The following PPIG variants were observed in gnomAD, a reference collection of about 807,000 sequenced individuals.
PPIG encodes the protein peptidyl-prolyl cis-trans isomerase G.
Under a neutral mutation model 87.9 loss-of-function variants are expected in PPIG, and 26 were observed. The ratio of observed to expected loss-of-function variants is 0.30; its 90% CI spans 0.22 to 0.41. The LOEUF (loss-of-function observed/expected upper bound fraction) is 0.41. PPIG is among the 10% of genes least tolerant of loss of function. The pLI, the probability that PPIG is intolerant of heterozygous loss-of-function variation, is 1.00. For missense variants in PPIG, 722 were observed against 879.4 expected (o/e 0.82, Z 2.26); for synonymous variants, 308 against 276.5 (o/e 1.11, Z -1.13).
At chr2:169,587,352 C>A (rs1412008884) in intron 1 of PPIG, among the ~76,000 whole-genome samples, 1 of 152,108 alleles carries the variant, frequency 6.6e-6, no homozygotes, top group Non-Finnish European at 1.5e-5. Context: ...AGCAATTCTT[C>A]TGCCTCAGCT....
At chr2:169,591,178 A>G (rs950462269) in intron 1 of PPIG, among the ~76,000 whole-genome samples, 4 of 152,206 alleles carry the variant, frequency 2.6e-5, no homozygotes, top group East Asian at 1.9e-4. Flanking sequence ...TTAGTTGCCT[A>G]TATTTTTGTC....
intron 1 of PPIG, among the ~76,000 whole-genome samples, chr2:169,596,403 C>T (rs1200746760): frequency 6.6e-6 from 1 of 152,150 alleles, no homozygotes; most frequent in African/African-American, 2.4e-5. Context: ...TCGCACCCGG[C>T]CGAAAATTGT....
chr2:169,603,971 G>T (rs946924032), intron 2 of PPIG, 55 bp from the exon 3 acceptor site: 4 of 1,381,964 alleles, frequency 2.9e-6, no homozygotes, highest in African/African-American at 2.9e-5. Flanking sequence ...CCAGAAATTT[G>T]TGAAAGATCT....
At chr2:169,601,570 G>C (rs1685185492) in intron 1 of PPIG, among the ~76,000 whole-genome samples, 1 of 152,168 alleles carries the variant, frequency 6.6e-6, no homozygotes, top group Non-Finnish European at 1.5e-5. Flanking sequence ...GAGCAACAAA[G>C]GGATGAACCA....
intron 9 of PPIG, among the ~76,000 whole-genome samples, chr2:169,624,826 G>A (rs1289062471): frequency 6.6e-6 from 1 of 152,092 alleles, no homozygotes; most frequent in South Asian, 2.1e-4. Flanking sequence ...TTCTGACTTC[G>A]TGATCCGCCC....
At chr2:169,599,317 T>A (rs1158953194) in intron 1 of PPIG, among the ~76,000 whole-genome samples, 3 of 152,210 alleles carry the variant, frequency 2.0e-5, no homozygotes, top group African/African-American at 7.2e-5. Context: ...AAGTAATTCT[T>A]ACTACTGTAC....
intron 7 of PPIG, among the ~76,000 whole-genome samples, chr2:169,611,203 T>C (rs1453437762): frequency 2.0e-5 from 3 of 150,874 alleles, no homozygotes; most frequent in Non-Finnish European, 4.4e-5. Flanking sequence ...AACAAACAAA[T>C]AAAACAACTT....
chr2:169,593,900 C>G (rs985856243), intron 1 of PPIG, among the ~76,000 whole-genome samples: 2 of 151,402 alleles, frequency 1.3e-5, no homozygotes, highest in Admixed American at 1.3e-4. Flanking sequence ...TGTGATCTGC[C>G]TGCCTCGGGC....
chr2:169,606,198 A>C, intron 5 of PPIG, 52 bp downstream of exon 5: 8 of 1,302,890 alleles, frequency 6.1e-6, no homozygotes, highest in Non-Finnish European at 8.9e-6. Flanking sequence ...CACAGATCTC[A>C]AAGTTAGACA....
rs1558903350 is a variant in PPIG, at chr2:169,636,016, TC to T, written c.1018-73del. On this transcript the variant is annotated intron_variant, in intron 12 of 13. Transcript: ENST00000260970. ...ACCTCCTGACCCTCACCCCAGTACT[TC>T]CCTCCCTCCCAGCACCCATGCGAGT... 4 of 1,169,924 alleles carry T rather than the reference TC, an allele frequency of 3.4e-6. No homozygotes were observed. The South Asian group carries it at 5.7e-5, about 17-fold the overall frequency. The allele number at this position is 1,169,924 out of a possible 1,614,324, so 72.5% of individuals were successfully genotyped here.
rs1686300884 is a variant in PPIG at position 169,641,098 on chromosome 2, A to G, written c.*3575A>G. On this transcript the variant is annotated 3_prime_UTR_variant, in exon 14 of 14. Transcript: ENST00000260970. ...ATATAGTATTTTGAAAGATAAATGA[A>G]TTGGGTATTTGTATGTGGGATGTAC... 2 of 151,926 alleles carry G rather than the reference A, an allele frequency of 1.3e-5. No individual in the cohort carries two copies. Among genetic ancestry groups the G allele is most frequent in the Non-Finnish European group, 2.9e-5 (2 of 67,982 alleles). The allele number at this position is 151,926 out of a possible 1,614,324, so 9.4% of individuals were successfully genotyped here. A position where few individuals can be genotyped will look rare whatever the true frequency, so the allele number is the denominator to read the frequency against.
intron 1 of PPIG, among the ~76,000 whole-genome samples, chr2:169,600,610 C>G (rs1479113293): frequency 1.3e-5 from 2 of 151,572 alleles, no homozygotes; most frequent in Non-Finnish European, 2.9e-5. Flanking sequence ...TTAGGATGCT[C>G]AATCATGATG....
intron 1 of PPIG, among the ~76,000 whole-genome samples, chr2:169,598,739 T>C (rs1270546207): frequency 1.3e-5 from 2 of 150,546 alleles, no homozygotes; most frequent in African/African-American, 4.9e-5. Flanking sequence ...GTATACCTGA[T>C]TTATATTTAT....
Position 169,636,854 on chromosome 2 carries a change from C to T in PPIG, c.1596C>T (p.His532=). The change falls in exon 14 of 14, where the codon CAC becomes CAT. Residue 532 remains histidine (H), a synonymous_variant. Coordinates refer to ENST00000260970, the MANE Select transcript of PPIG (RefSeq NM_004792.3). The stretch of plus-strand genomic sequence containing the variant: ...AATCAAAGAGTAATGAGCATGATCA[C>T]AGTAAAAGTAAGGAAAAGGATAGAC... The part of the protein sequence containing the change: ...QLESKSNEHD[H]SKSKEKDRRA... The T allele has an allele frequency of 4.3e-6, 7 of 1,613,590 alleles. No individual in the cohort carries two copies. Among genetic ancestry groups the T allele is most frequent in the Non-Finnish European group, 5.9e-6 (7 of 1,179,908 alleles).
chr2:169,604,344 T>C, intron 4 of PPIG, 83 bp downstream of exon 4: 1 of 1,190,906 alleles, frequency 8.4e-7, no homozygotes, highest in Non-Finnish European at 1.2e-6. Context: ...TTTTTTTTTT[T>C]TTTTTTTTTT....
chr2:169,627,316 C>CG (rs1558899527), intron 9 of PPIG, among the ~76,000 whole-genome samples: 1 of 152,152 alleles, frequency 6.6e-6, no homozygotes, highest in Admixed American at 6.5e-5. Context: ...AGGCTGGTCT[C>CG]GAACTCCTGA....
At chr2:169,609,184 T>C (rs1218462743) in intron 7 of PPIG, among the ~76,000 whole-genome samples, 1 of 151,838 alleles carries the variant, frequency 6.6e-6, no homozygotes, top group Non-Finnish European at 1.5e-5. Flanking sequence ...GACGGAATTG[T>C]TGAAGGAAGG....
chr2:169,613,869 T>A (rs900347204), intron 7 of PPIG, among the ~76,000 whole-genome samples: 1 of 152,154 alleles, frequency 6.6e-6, no homozygotes, highest in African/African-American at 2.4e-5. Flanking sequence ...CAGGATGCAG[T>A]GAACCAAGGT....
At chr2:169,607,558 A>T (rs1052762658) in intron 6 of PPIG, among the ~76,000 whole-genome samples, 1 of 152,192 alleles carries the variant, frequency 6.6e-6, no homozygotes, top group Non-Finnish European at 1.5e-5. Context: ...CAAAAATTTA[A>T]GTTTTCTTGC....
Sources: gnomAD v4.1 joint callset for allele counts (sites outside exome capture counted in the v4.1 genomes callset) on GRCh38, gnomAD v4.1.1 for gene constraint, MANE v1.5 for transcripts, NCBI Gene and HGNC (gene_info 2026-07-23, HGNC 2026-07-21) for gene names.